Variants in NTM observed in about 807,000 individuals in gnomAD.
NTM encodes the protein IgLON family member 2.
A neutral mutation model predicts 42.1 loss-of-function variants in NTM; 13 were observed. That is an observed-to-expected ratio of 0.31 (90% CI 0.20 to 0.49). NTM has a LOEUF of 0.49. Among genes scored for constraint, NTM ranks in the 20% least tolerant of loss-of-function variants. NTM has a pLI of 0.99. For synonymous variants in NTM, 187 were observed against 179.2 expected, an observed-to-expected ratio of 1.04 and a Z score of -0.35; for missense variants, 373 against 452.8, an observed-to-expected ratio of 0.82 and a Z score of 1.60.
At chr11:131,851,532 CGTGTGTGTGTGTGTGT>C (rs71067340) in intron 1 of NTM, among the ~76,000 whole-genome samples, 1 of 146,702 alleles carries the variant, frequency 6.8e-6, no homozygotes, top group South Asian at 2.2e-4. Context: ...GTGAGAATGG[CGTGTGTGTGTGTGTGT>C]GTGTGTGTGT....
intron 1 of NTM, among the ~76,000 whole-genome samples, chr11:131,526,255 A>G (rs1262674139): frequency 6.6e-6 from 1 of 152,206 alleles, no homozygotes; most frequent in African/African-American, 2.4e-5. Context: ...CGCAGTAGAA[A>G]AGACAGTCAC....
At position 131,611,155 on chromosome 11, in the gene NTM, G is replaced by A. The variant is rs535661041; in HGVS notation, c.82+240267G>A. Among the ~76,000 whole-genome samples, 14 of 152,290 alleles carry A rather than the reference G, an allele frequency of 9.2e-5. No homozygotes were observed. In the East Asian group the frequency reaches 2.5e-3, roughly 27 times the overall value. On this transcript the variant is annotated intron_variant, in intron 1 of 8. Coordinates refer to ENST00000683400, the MANE Select transcript of NTM (RefSeq NM_001352005.2). Reference sequence around the variant, plus strand: ...CAAGGAAGCTGAAGTGACGCTTTGGGTTTTTAGCCTTTGCACCTGAGGAGG... The same window carrying A: ...CAAGGAAGCTGAAGTGACGCTTTGGATTTTTAGCCTTTGCACCTGAGGAGG...
At chr11:131,630,505 A>G (rs1216196337) in intron 1 of NTM, among the ~76,000 whole-genome samples, 1 of 152,146 alleles carries the variant, frequency 6.6e-6, no homozygotes, top group Non-Finnish European at 1.5e-5. Flanking sequence ...GCATGATAAG[A>G]GTTTACTGAT....
intron 1 of NTM, among the ~76,000 whole-genome samples, chr11:131,845,643 G>T (rs2136732785): frequency 6.7e-6 from 1 of 149,606 alleles, no homozygotes; most frequent in Non-Finnish European, 1.5e-5. Context: ...TTCATCTCTG[G>T]AACGTAAACC....
At chr11:132,237,777 G>T (rs2089333248) in intron 4 of NTM, among the ~76,000 whole-genome samples, 1 of 152,164 alleles carries the variant, frequency 6.6e-6, no homozygotes, top group Non-Finnish European at 1.5e-5. Flanking sequence ...ATCTGGGCGC[G>T]CAGAGAGATT....
At chr11:131,794,585 T>C in intron 1 of NTM, 2 of 984,862 alleles carry the variant, frequency 2.0e-6, no homozygotes, top group South Asian at 4.7e-5. Context: ...GAATAAGAAA[T>C]GGCAATAGAC....
intron 1 of NTM, among the ~76,000 whole-genome samples, chr11:131,667,843 G>T (rs542679577): frequency 2.6e-4 from 40 of 152,282 alleles, no homozygotes; most frequent in Admixed American, 2.6e-3. Context: ...ATCCGCAGGT[G>T]TCTCCTCTGT....
At chr11:132,204,760 T>A (rs2081701271) in intron 3 of NTM, among the ~76,000 whole-genome samples, 1 of 152,140 alleles carries the variant, frequency 6.6e-6, no homozygotes, top group South Asian at 2.1e-4. Flanking sequence ...CCATGACAGA[T>A]TCATCTCTCC....
intron 1 of NTM, among the ~76,000 whole-genome samples, chr11:131,703,429 G>C (rs1357792110): frequency 6.6e-6 from 1 of 152,228 alleles, no homozygotes; most frequent in Non-Finnish European, 1.5e-5. Context: ...GAAGGAGAAA[G>C]TCTGTGTACG....
At chr11:131,740,316 G>A (rs1036229072) in intron 1 of NTM, among the ~76,000 whole-genome samples, 5 of 152,140 alleles carry the variant, frequency 3.3e-5, no homozygotes, top group African/African-American at 9.7e-5. Context: ...TGTTGTGAGG[G>A]TTATGTATGG....
intron 4 of NTM, among the ~76,000 whole-genome samples, chr11:132,298,506 G>A (rs2094711057): frequency 6.6e-6 from 1 of 152,054 alleles, no homozygotes; most frequent in Non-Finnish European, 1.5e-5. Flanking sequence ...CACAGCAGAA[G>A]AGCACCCAAC....
chr11:132,288,921 C>T (rs759225088), intron 4 of NTM, among the ~76,000 whole-genome samples: 30 of 151,996 alleles, frequency 2.0e-4, no homozygotes, highest in Admixed American at 4.6e-4. Context: ...ATGCCTGGTG[C>T]GATAATTTCT....
intron 1 of NTM, among the ~76,000 whole-genome samples, chr11:131,656,780 T>A (rs369916854): frequency 5.9e-5 from 9 of 152,040 alleles, no homozygotes; most frequent in African/African-American, 2.2e-4. Flanking sequence ...TCAGAGAGGG[T>A]GTTTGAGACA....
At chr11:132,116,520 G>A (rs1292809647) in intron 2 of NTM, among the ~76,000 whole-genome samples, 1 of 152,256 alleles carries the variant, frequency 6.6e-6, no homozygotes, top group South Asian at 2.1e-4. Context: ...ATGAGTGCCC[G>A]CACCTCTTCT....
chr11:131,820,585 A>G (rs1415628517), intron 1 of NTM, among the ~76,000 whole-genome samples: 1 of 152,114 alleles, frequency 6.6e-6, no homozygotes, highest in Non-Finnish European at 1.5e-5. Flanking sequence ...TCTTTTCCTG[A>G]TCTGCTCTCC....
At chr11:132,205,004 T>C (rs755424487) in intron 3 of NTM, among the ~76,000 whole-genome samples, 5 of 152,220 alleles carry the variant, frequency 3.3e-5, no homozygotes, top group Non-Finnish European at 2.9e-5. Context: ...TCTCTGCACG[T>C]GGTCTGGAAG....
intron 2 of NTM, among the ~76,000 whole-genome samples, chr11:132,114,575 T>A (rs2063633024): frequency 6.6e-6 from 1 of 152,128 alleles, no homozygotes; most frequent in Non-Finnish European, 1.5e-5. Context: ...CCCCTGGCCA[T>A]TGGCTTTGTA....
At chr11:132,203,417 A>C (rs961526050) in intron 3 of NTM, among the ~76,000 whole-genome samples, 8 of 152,176 alleles carry the variant, frequency 5.3e-5, no homozygotes, top group Admixed American at 1.3e-4. Flanking sequence ...TAATGAATAC[A>C]ATCAGAGACT....
At chr11:131,890,193 T>TCTCACA (rs1555167756) in intron 1 of NTM, among the ~76,000 whole-genome samples, 1 of 150,186 alleles carries the variant, frequency 6.7e-6, no homozygotes, top group African/African-American at 2.5e-5. Context: ...TCTCTCTCTC[T>TCTCACA]CACACACACA....
Sources: gnomAD v4.1 joint callset for allele counts (sites outside exome capture counted in the v4.1 genomes callset) on GRCh38, gnomAD v4.1.1 for gene constraint, MANE v1.5 for transcripts, NCBI Gene and HGNC (gene_info 2026-07-23, HGNC 2026-07-21) for gene names.